Variants in ELAVL1 observed in about 807,000 individuals in gnomAD.
ELAVL1 encodes the protein ELAV-like protein 1.
ELAVL1 carries 1 observed loss-of-function variant against 28.4 expected under a neutral mutation model. That is an observed-to-expected ratio of 0.04 (90% CI 0.01 to 0.17). The LOEUF (loss-of-function observed/expected upper bound fraction) is 0.17, where lower values mean the gene tolerates loss of function less well. ELAVL1 is among the 10% of genes least tolerant of loss of function. ELAVL1 has a pLI of 1.00. For synonymous variants in ELAVL1, 174 were observed against 183.5 expected (o/e 0.95, Z 0.42); for missense variants, 157 against 447.2 (o/e 0.35, Z 5.85).
At position 7,995,662 on chromosome 19, in the gene ELAVL1, C is replaced by A. The variant is rs141866007; in HGVS notation, c.-16-3831G>T. Among the ~76,000 whole-genome samples the A allele has an allele frequency of 4.2e-4, 64 of 151,516 alleles. 1 individual carries two copies. The highest frequency in any genetic ancestry group is 1.5e-3 in the African/African-American group (64 of 41,344). ...AATATTTACCATCTGGCTCTTCACACAAAAAAAATCTGCCGACCTCTGTTT... is the reference window on the plus strand; with the variant it reads ...AATATTTACCATCTGGCTCTTCACAAAAAAAAAATCTGCCGACCTCTGTTT... On this transcript the variant is annotated intron_variant, in intron 1 of 5. Transcript: ENST00000407627.
Position 7,960,406 on chromosome 19 carries a change from A to C in ELAVL1, c.*3077T>G, listed in dbSNP as rs1421105934. ...CCCGAGGAAGCCCATGAATTTCAGG[A>C]TATTCACGCAGGATGGTGGCCGGGG... is the stretch of plus-strand genomic sequence containing the variant. On this transcript the variant is annotated 3_prime_UTR_variant, in exon 6 of 6. Transcript: ENST00000407627. The C allele has an allele frequency of 6.6e-6, 1 of 152,232 alleles. No homozygotes were observed. Among genetic ancestry groups the C allele is most frequent in the African/African-American group, 2.4e-5 (1 of 41,456 alleles). The allele number at this position is 152,232 out of a possible 1,614,324, so 9.4% of individuals were successfully genotyped here. A position where few individuals can be genotyped will look rare whatever the true frequency, so the allele number is the denominator to read the frequency against.
chr19:8,000,171 C>T (rs2088815020), intron 1 of ELAVL1, among the ~76,000 whole-genome samples: 1 of 152,180 alleles, frequency 6.6e-6, no homozygotes, highest in Non-Finnish European at 1.5e-5. Context: ...ATCCTCCTAC[C>T]TCAGCCTCCC....
At chr19:7,966,706 A>T (rs144033821) in intron 5 of ELAVL1, among the ~76,000 whole-genome samples, 1,573 of 152,102 alleles carry the variant, frequency 0.01, 19 homozygotes, top group Middle Eastern at 0.037. Flanking sequence ...TGCAGCCTCC[A>T]CCTCCTGGGT....
intron 2 of ELAVL1, among the ~76,000 whole-genome samples, chr19:7,983,150 C>T (rs991404188): frequency 6.6e-6 from 1 of 152,184 alleles, no homozygotes; most frequent in African/African-American, 2.4e-5. Flanking sequence ...TCCTAAAGAA[C>T]AAAACCAAAA....
rs1283646282 is a variant in ELAVL1 at position 8,005,479 on chromosome 19, C to A, written c.-17+16G>T. On this transcript the variant is annotated intron_variant, in intron 1 of 5. Coordinates refer to ENST00000407627, the MANE Select transcript of ELAVL1 (RefSeq NM_001419.3). ...CTACCCCGTCGGGCGCCGCCGAAGG[C>A]CCCCCACCGCCTCACCTGGATGCGG... 3.4e-5 allele frequency: 5 copies of A among 147,248 alleles called. No homozygotes were observed. Among genetic ancestry groups the A allele is most frequent in the Non-Finnish European group, 7.6e-5 (5 of 65,882 alleles). The allele number at this position is 147,248 out of a possible 1,614,324, so 9.1% of individuals were successfully genotyped here. A position where few individuals can be genotyped will look rare whatever the true frequency, so the allele number is the denominator to read the frequency against.
At chr19:7,965,074 A>G (rs1197243050) in intron 5 of ELAVL1, among the ~76,000 whole-genome samples, 3 of 152,226 alleles carry the variant, frequency 2.0e-5, no homozygotes. Flanking sequence ...GCCATGGGGC[A>G]GCTCACTAGC....
chr19:7,966,116 G>C (rs377557094), intron 5 of ELAVL1, among the ~76,000 whole-genome samples: 1 of 152,086 alleles, frequency 6.6e-6, no homozygotes, highest in African/African-American at 2.4e-5. Flanking sequence ...AGGATCACTT[G>C]AGGCTAGGAG....
Position 7,981,612 on chromosome 19 carries a change from G to A in ELAVL1, c.173-426C>T, listed in dbSNP as rs543939224. Among the ~76,000 whole-genome samples the A allele has an allele frequency of 1.3e-5, 2 of 152,112 alleles. No individual in the cohort carries two copies. The highest frequency in any genetic ancestry group is 1.9e-4 in the East Asian group (1 of 5,178). On this transcript the variant is annotated intron_variant, in intron 2 of 5. Coordinates refer to ENST00000407627, the MANE Select transcript of ELAVL1 (RefSeq NM_001419.3). This position sits in a 1 kb window ranked among gnomAD's most constrained non-coding sequence, Gnocchi z 4.2. ...TGGGCTCAAGCAATCCTCCCACCTC[G>A]GCCCCACCTCGACCTCCCAAAGTGT...
At chr19:8,001,177 G>A (rs867893073) in intron 1 of ELAVL1, among the ~76,000 whole-genome samples, 18 of 152,094 alleles carry the variant, frequency 1.2e-4, no homozygotes, top group South Asian at 4.1e-4. Flanking sequence ...AAATCAAGGC[G>A]AATGTATGTC....
chr19:7,987,962 G>A (rs543980421), intron 2 of ELAVL1, among the ~76,000 whole-genome samples: 1 of 152,280 alleles, frequency 6.6e-6, no homozygotes. Context: ...GGTCACATGC[G>A]GGCTGTCAAA....
chr19:8,004,749 G>T (rs1272357852), intron 1 of ELAVL1, among the ~76,000 whole-genome samples: 1 of 152,134 alleles, frequency 6.6e-6, no homozygotes, highest in Admixed American at 6.6e-5. Flanking sequence ...AAGTTGTGCA[G>T]AAGTTCTTCT....
intron 1 of ELAVL1, among the ~76,000 whole-genome samples, chr19:7,996,455 C>G (rs1221131368): frequency 6.6e-6 from 1 of 151,104 alleles, no homozygotes; most frequent in Non-Finnish European, 1.5e-5. Context: ...TCCCAAAGTG[C>G]TGGGATTACA....
chr19:7,967,427 G>A, intron 5 of ELAVL1, 138 bp downstream of exon 5: 1 of 929,870 alleles, frequency 1.1e-6, no homozygotes, highest in Non-Finnish European at 1.6e-6. Flanking sequence ...GTTGTGGTGT[G>A]GAGCTGCAGA....
Position 7,962,117 on chromosome 19 carries a change from T to A in ELAVL1, c.*1366A>T, listed in dbSNP as rs1456923893. The A allele has an allele frequency of 6.5e-6, 1 of 153,768 alleles. No homozygotes were observed. Among genetic ancestry groups the A allele is most frequent in the Non-Finnish European group, 1.5e-5 (1 of 68,060 alleles). The allele number at this position is 153,768 out of a possible 1,614,324, so 9.5% of individuals were successfully genotyped here. ...GCTCCTGGTTTAAAAGCCACCAGCC[T>A]GTAACTGCACATTCTTGCGTCACAG... On this transcript the variant is annotated 3_prime_UTR_variant, in exon 6 of 6. Transcript: ENST00000407627.
rs967984174 is a variant in ELAVL1 at position 7,962,982 on chromosome 19, C to T, written c.*501G>A. The stretch of plus-strand genomic sequence containing the variant: ...GGACTGAGTGAGCAGGAGGTGGCAA[C>T]GGGACCTGCCTGGAAAAGGAACTTC... On this transcript the variant is annotated 3_prime_UTR_variant, in exon 6 of 6. Transcript: ENST00000407627. The T allele has an allele frequency of 3.2e-5, 5 of 156,412 alleles. No homozygotes were observed. Among genetic ancestry groups the T allele is most frequent in the African/African-American group, 7.2e-5 (3 of 41,480 alleles). The allele number at this position is 156,412 out of a possible 1,614,324, so 9.7% of individuals were successfully genotyped here. A position where few individuals can be genotyped will look rare whatever the true frequency, so the allele number is the denominator to read the frequency against.
intron 1 of ELAVL1, among the ~76,000 whole-genome samples, chr19:7,994,096 G>A (rs1057391208): frequency 3.3e-5 from 5 of 152,204 alleles, no homozygotes; most frequent in Non-Finnish European, 7.3e-5. Context: ...ACTGAAAAGT[G>A]AGACTCCATG....
intron 2 of ELAVL1, among the ~76,000 whole-genome samples, chr19:7,985,047 G>C (rs1985564142): frequency 6.6e-6 from 1 of 152,128 alleles, no homozygotes; most frequent in Non-Finnish European, 1.5e-5. Flanking sequence ...AGCCCCCCAA[G>C]TAGCTGGGAC....
chr19:7,991,557 G>A (rs2145222724), intron 2 of ELAVL1, 87 bp downstream of exon 2: 1 of 1,362,862 alleles, frequency 7.3e-7, no homozygotes, highest in Non-Finnish European at 1.0e-6. Context: ...CTGCACTGAG[G>A]AATGCCACAG....
At chr19:7,972,117 C>G (rs1985130089) in intron 4 of ELAVL1, among the ~76,000 whole-genome samples, 1 of 152,218 alleles carries the variant, frequency 6.6e-6, no homozygotes, top group Non-Finnish European at 1.5e-5. Context: ...TGAAAACCAC[C>G]CATACAACGC....
Sources: gnomAD v4.1 joint callset for allele counts (sites outside exome capture counted in the v4.1 genomes callset) on GRCh38, gnomAD v4.1.1 for gene constraint, Gnocchi (gnomAD v3.1) non-coding constraint, MANE v1.5 for transcripts, NCBI Gene and HGNC (gene_info 2026-07-23, HGNC 2026-07-21) for gene names.